Variants in FRMD4A observed in about 807,000 individuals in gnomAD.
The protein encoded by FRMD4A is FERM domain-containing protein 4A.
Under a neutral mutation model 129.1 loss-of-function variants are expected in FRMD4A, and 29 were observed. The ratio of observed to expected loss-of-function variants is 0.22; its 90% CI spans 0.17 to 0.31. The LOEUF is 0.31. FRMD4A is among the 10% of genes least tolerant of loss of function. The pLI, the probability that FRMD4A is intolerant of heterozygous loss-of-function variation, is 1.00. For missense variants in FRMD4A, 1,272 were observed against 1,375.8 expected, an observed-to-expected ratio of 0.92 and a Z score of 1.19; for synonymous variants, 634 against 571.6, an observed-to-expected ratio of 1.11 and a Z score of -1.56.
intron 2 of FRMD4A, chr10:14,327,022 G>A (rs539155586): frequency 9.8e-5 from 39 of 398,552 alleles, no homozygotes; most frequent in Admixed American, 7.0e-4. Flanking sequence ...TGAGCTGTCC[G>A]TTGAAAGAAT....
chr10:13,915,029 A>G (rs949216259), intron 2 of FRMD4A, among the ~76,000 whole-genome samples: 4 of 152,140 alleles, frequency 2.6e-5, no homozygotes, highest in African/African-American at 9.7e-5. Context: ...CAACAATAAC[A>G]ACAGCAACAA....
At chr10:14,268,543 T>C (rs1459490869) in intron 2 of FRMD4A, among the ~76,000 whole-genome samples, 1 of 152,238 alleles carries the variant, frequency 6.6e-6, no homozygotes, top group African/African-American at 2.4e-5. Flanking sequence ...ATAAGAAAAC[T>C]ACAGCAGTGA....
At chr10:13,790,485 A>G (rs997569434) in intron 5 of FRMD4A, among the ~76,000 whole-genome samples, 1 of 152,156 alleles carries the variant, frequency 6.6e-6, no homozygotes, top group Non-Finnish European at 1.5e-5. Flanking sequence ...CCTCGTGGAC[A>G]CCAGGGCTCA....
chr10:13,659,829 G>A (rs10159559), intron 20 of FRMD4A, among the ~76,000 whole-genome samples: 123,432 of 151,778 alleles, frequency 0.81, 50,339 homozygotes, highest in East Asian at 0.85. Context: ...AAAGGAAATG[G>A]GAAAAACAGA....
At chr10:14,250,191 C>T (rs1022755915) in intron 2 of FRMD4A, among the ~76,000 whole-genome samples, 5 of 152,110 alleles carry the variant, frequency 3.3e-5, no homozygotes, top group Admixed American at 6.5e-5. Context: ...GAACTCCTGA[C>T]CTCAGGTGCT....
chr10:14,240,492 T>C (rs947119374), intron 2 of FRMD4A, among the ~76,000 whole-genome samples: 1 of 152,168 alleles, frequency 6.6e-6, no homozygotes, highest in Non-Finnish European at 1.5e-5. Context: ...ACTGTTGTTA[T>C]GGGCAACACT....
chr10:14,237,078 G>T (rs1381330825), intron 2 of FRMD4A, among the ~76,000 whole-genome samples: 5 of 149,938 alleles, frequency 3.3e-5, no homozygotes, highest in African/African-American at 1.2e-4. Flanking sequence ...TTGCTATGCT[G>T]CCCTTGCTGG....
At chr10:14,257,882 C>T (rs773682914) in intron 2 of FRMD4A, among the ~76,000 whole-genome samples, 9 of 152,202 alleles carry the variant, frequency 5.9e-5, no homozygotes, top group Non-Finnish European at 1.2e-4. Context: ...CAACTGTCTG[C>T]TGTGTAAAGC....
At chr10:13,925,531 T>C (rs1056454576) in intron 2 of FRMD4A, among the ~76,000 whole-genome samples, 31 of 141,838 alleles carry the variant, frequency 2.2e-4, no homozygotes, top group Middle Eastern at 3.8e-3. Flanking sequence ...TGTAACAATA[T>C]CGGGCCCAGT....
intron 2 of FRMD4A, among the ~76,000 whole-genome samples, chr10:14,235,478 T>A (rs1224409837): frequency 1.3e-5 from 2 of 152,066 alleles, no homozygotes; most frequent in Non-Finnish European, 2.9e-5. Flanking sequence ...CACACTCCCC[T>A]CTGCACTGCT....
intron 2 of FRMD4A, among the ~76,000 whole-genome samples, chr10:14,163,254 A>G (rs542901393): frequency 6.6e-6 from 1 of 152,236 alleles, no homozygotes; most frequent in African/African-American, 2.4e-5. Flanking sequence ...GAAATGTCTA[A>G]ATTTCAGTTT....
intron 2 of FRMD4A, among the ~76,000 whole-genome samples, chr10:14,246,889 G>A (rs1432188753): frequency 5.3e-5 from 8 of 152,130 alleles, no homozygotes; most frequent in Non-Finnish European, 8.8e-5. Context: ...GGGAAGGGGT[G>A]CCCAGGGACC....
At chr10:13,735,167 C>T (rs113801944) in intron 12 of FRMD4A, among the ~76,000 whole-genome samples, 4 of 152,370 alleles carry the variant, frequency 2.6e-5, no homozygotes, top group African/African-American at 9.6e-5. Flanking sequence ...GCCACTGCGC[C>T]CGGCCACAAT....
intron 2 of FRMD4A, among the ~76,000 whole-genome samples, chr10:14,054,888 G>T (rs566233499): frequency 6.6e-6 from 1 of 152,302 alleles, no homozygotes; most frequent in South Asian, 2.1e-4. Flanking sequence ...CATGTAAGAT[G>T]TGACTTTGCT....
chr10:14,173,370 C>G (rs1480160617), intron 2 of FRMD4A, among the ~76,000 whole-genome samples: 1 of 152,176 alleles, frequency 6.6e-6, no homozygotes, highest in Non-Finnish European at 1.5e-5. Flanking sequence ...CGCTTAGAGT[C>G]TTCAGGAGAC....
chr10:14,129,075 C>A (rs1011912564), intron 2 of FRMD4A, among the ~76,000 whole-genome samples: 1 of 151,944 alleles, frequency 6.6e-6, no homozygotes, highest in Non-Finnish European at 1.5e-5. Context: ...CCCCAATACC[C>A]TATTTCCTCT....
chr10:13,751,288 C>G (rs912512562), intron 8 of FRMD4A, among the ~76,000 whole-genome samples: 1 of 152,164 alleles, frequency 6.6e-6, no homozygotes. Flanking sequence ...TTCTCTAGCT[C>G]TGCTCCAGGG....
rs868241572 is a variant in FRMD4A, at chr10:13,922,396, C to T, written c.46-63484G>A. 4.6e-5 allele frequency among the ~76,000 whole-genome samples: 7 copies of T among 152,044 alleles called. No homozygotes were observed. In the South Asian group the frequency reaches 1.2e-3, roughly 27 times the overall value. On this transcript the variant is annotated intron_variant, in intron 2 of 24. Coordinates refer to ENST00000357447, the MANE Select transcript of FRMD4A (RefSeq NM_018027.5). ...TGTATTATGGCAAGTATTAAATGAT[C>T]TTATACAGCCAGAAAATATATGTGG... is the stretch of plus-strand genomic sequence containing the variant.
intron 2 of FRMD4A, among the ~76,000 whole-genome samples, chr10:14,106,689 T>C (rs1837603738): frequency 6.6e-6 from 1 of 152,188 alleles, no homozygotes; most frequent in Admixed American, 6.5e-5. Flanking sequence ...AAATCACCAC[T>C]ACCAACACCA....
Sources: gnomAD v4.1 joint callset for allele counts (sites outside exome capture counted in the v4.1 genomes callset) on GRCh38, gnomAD v4.1.1 for gene constraint, MANE v1.5 for transcripts, NCBI Gene and HGNC (gene_info 2026-07-23, HGNC 2026-07-21) for gene names.